Variants in EHBP1L1 observed in about 807,000 individuals in gnomAD.
EHBP1L1 encodes EH domain-binding protein 1-like protein 1.
EHBP1L1 carries 122 observed loss-of-function variants against 151.1 expected under a neutral mutation model. The observed-to-expected ratio is 0.81, with a 90% CI of 0.70 to 0.94. The LOEUF (loss-of-function observed/expected upper bound fraction) is 0.94. EHBP1L1 is among the 40% of genes least tolerant of loss of function. EHBP1L1 has a pLI of 0.00. For missense variants in EHBP1L1, 1,941 were observed against 1,959.8 expected, an observed-to-expected ratio of 0.99 and a Z score of 0.18; for synonymous variants, 878 against 810.1, an observed-to-expected ratio of 1.08 and a Z score of -1.42.
intron 16 of EHBP1L1, 99 bp from the exon 17 acceptor site, chr11:65,591,701 G>C: frequency 1.0e-6 from 1 of 961,608 alleles, no homozygotes; most frequent in Non-Finnish European, 1.6e-6. Context: ...GGGGAGGTGG[G>C]ATGGGGTCAG....
rs1857616418 is a variant in EHBP1L1 at position 65,581,641 on chromosome 11, G to A, written c.969G>A (p.Glu323=). 1 of 1,554,298 alleles carries A rather than the reference G, an allele frequency of 6.4e-7. No individual in the cohort carries two copies. Among genetic ancestry groups the A allele is most frequent in the Admixed American group, 2.0e-5 (1 of 51,158 alleles). The change falls in exon 9 of 19, where the codon GAG becomes GAA. Residue 323 remains glutamate (E), a synonymous_variant. Coordinates refer to ENST00000309295, the MANE Select transcript of EHBP1L1 (RefSeq NM_001099409.3). ...CCCCAGTCCCCCAGGGGGAAGATGA[G>A]GTCCCCAAAGCCTCAGGGGCTCCTC... The part of the protein sequence containing the change: ...LRPPVPQGED[E]VPKASGAPPA...
At chr11:65,587,353 C>T (rs1480236522) in intron 12 of EHBP1L1, among the ~76,000 whole-genome samples, 2 of 145,140 alleles carry the variant, frequency 1.4e-5, no homozygotes, top group Admixed American at 7.0e-5. Context: ...AGCCTGGCAA[C>T]AGAGCAAGAC....
chr11:65,579,398 G>A lies in EHBP1L1; in HGVS notation c.220G>A (p.Val74Ile). 3 of 1,574,724 alleles carry A rather than the reference G, an allele frequency of 1.9e-6. No individual in the cohort carries two copies. The highest frequency in any genetic ancestry group is 2.6e-6 in the Non-Finnish European group (3 of 1,159,496). Residue 74 changes from valine (V) to isoleucine (I), a missense_variant, in exon 3 of 19, where the codon GTA becomes ATA. By Grantham distance (29) the Val-to-Ile change is conservative. Transcript: ENST00000309295. The stretch of plus-strand genomic sequence containing the variant: ...ATACCGGGGCACCGTGGTGTGGATG[G>A]TACCTGAGAATGTGGACATCTCTGT... Reference protein sequence around the residue: ...NPYRGTVVWMVPENVDISVTL... With the variant: ...NPYRGTVVWMIPENVDISVTL...
At chr11:65,590,461 G>A in intron 15 of EHBP1L1, 32 bp from the exon 16 acceptor site, 2 of 1,604,770 alleles carry the variant, frequency 1.2e-6, no homozygotes, top group Admixed American at 1.7e-5. Context: ...GGGGCAGGGG[G>A]CAGGCCTGGT....
Position 65,590,309 on chromosome 11 carries a change from C to T in EHBP1L1, c.4183+99C>T, listed in dbSNP as rs147304292. The stretch of plus-strand genomic sequence containing the variant: ...CCTTGGGAGGAGCTGGGAGGAGGCA[C>T]GGCTGGCATCAGCGTTCCCATTTTA... On this transcript the variant is annotated intron_variant, in intron 15 of 18. Coordinates refer to ENST00000309295, the MANE Select transcript of EHBP1L1 (RefSeq NM_001099409.3). 1.1e-3 allele frequency: 1,711 copies of T among 1,550,856 alleles called. 14 individuals carry two copies. The African/African-American group carries it at 0.021, about 19-fold the overall frequency.
In EHBP1L1 at chr11:65,576,216, C is replaced by A; in HGVS notation, c.-87C>A. The A allele has an allele frequency of 8.4e-7, 1 of 1,191,040 alleles. No homozygotes were observed. Among genetic ancestry groups the A allele is most frequent in the Non-Finnish European group, 1.1e-6 (1 of 914,560 alleles). 73.8% of individuals were successfully genotyped at this position (1,191,040 alleles called of 1,614,324 possible). ...GCACGGACGGGGCGGGCGGCGCGGA[C>A]AGGCCATGGGGACCCGGGCCGGGCC... is the stretch of plus-strand genomic sequence containing the variant. On this transcript the variant is annotated 5_prime_UTR_variant, in exon 1 of 19. Transcript: ENST00000309295.
Position 65,580,322 on chromosome 11 carries a change from A to C in EHBP1L1, c.492-15A>C. ...ACCTCTGACTCCACCCTCACCTTTAACCTCTGCCTCCCAGGGACGATGACA... is the reference window on the plus strand; with the variant it reads ...ACCTCTGACTCCACCCTCACCTTTACCCTCTGCCTCCCAGGGACGATGACA... On this transcript the variant is annotated splice_polypyrimidine_tract_variant and intron_variant, in intron 5 of 18. Transcript: ENST00000309295. 1 of 1,613,494 alleles carries C rather than the reference A, an allele frequency of 6.2e-7. No individual in the cohort carries two copies. The highest frequency in any genetic ancestry group is 8.5e-7 in the Non-Finnish European group (1 of 1,179,754).
At position 65,582,884 on chromosome 11, in the gene EHBP1L1, GAGAT is replaced by G; in HGVS notation, c.2216_2219del (p.Ile739LysfsTer4). 2.5e-6 allele frequency: 4 copies of G among 1,613,648 alleles called. No individual in the cohort carries two copies. The highest frequency in any genetic ancestry group is 3.4e-6 in the Non-Finnish European group (4 of 1,179,832). ...AACAGCTAGGGATTCAGGGGTCAGA[GAGAT>G]AGAAGCAGAGATAGCAGAGTCTGAC... On this transcript the variant is annotated frameshift_variant, in exon 9 of 19. Transcript: ENST00000309295. LOFTEE classifies it high-confidence loss of function.
intron 12 of EHBP1L1, among the ~76,000 whole-genome samples, chr11:65,587,047 TC>T (rs940432408): frequency 1.3e-5 from 2 of 152,212 alleles, no homozygotes; most frequent in African/African-American, 4.8e-5. Flanking sequence ...GTCCTGGTCT[TC>T]CTGGAGGAGG....
chr11:65,579,696 G>A (rs946800679), intron 3 of EHBP1L1, among the ~76,000 whole-genome samples: 9 of 151,842 alleles, frequency 5.9e-5, no homozygotes, highest in East Asian at 3.9e-4. Context: ...CAACCACCGC[G>A]TGCACCTGTA....
chr11:65,577,230 G>A (rs1392967849), intron 1 of EHBP1L1, among the ~76,000 whole-genome samples: 2 of 152,006 alleles, frequency 1.3e-5, no homozygotes, highest in African/African-American at 4.8e-5. Context: ...AGCTGTGGGG[G>A]CCTCACCCGC....
Position 65,581,585 on chromosome 11 carries a change from C to T in EHBP1L1, c.913C>T (p.Arg305Trp), listed in dbSNP as rs756321484. Residue 305 changes from arginine (R) to tryptophan (W), a missense_variant, in exon 9 of 19, where the codon CGG becomes TGG. Physicochemically the swap from Arg to Trp is moderately radical, Grantham distance 101. Transcript: ENST00000309295. ...AQDTAPTPAP[R>W]LRKGSDALRP... is the part of the protein sequence containing the mutation. ...GGACACGGCCCCCACCCCAGCCCCT[C>T]GGCTCCGGAAAGGCTCTGATGCCCT... The T allele has an allele frequency of 5.9e-6, 9 of 1,515,818 alleles. No individual in the cohort carries two copies. The highest frequency in any genetic ancestry group is 2.8e-5 in the African/African-American group (2 of 71,914). The allele number at this position is 1,515,818 out of a possible 1,614,324, so 93.9% of individuals were successfully genotyped here.
Position 65,591,790 on chromosome 11 carries a change from C to CCCCCCAAAA in EHBP1L1, c.4284-10_4284-9insCCCCCAAAA. The CCCCCCAAAA allele has an allele frequency of 6.5e-7, 1 of 1,535,872 alleles. No individual in the cohort carries two copies. Among genetic ancestry groups the CCCCCCAAAA allele is most frequent in the Non-Finnish European group, 8.8e-7 (1 of 1,136,570 alleles). ...CACCCCCCCGCCACCCACCCCCCGCCACCTTCCAGCATGGAGGAGCAGGAC... is the reference window on the plus strand; with the variant it reads ...CACCCCCCCGCCACCCACCCCCCGCCCCCCCAAAAACCTTCCAGCATGGAGGAGCAGGAC... On this transcript the variant is annotated splice_polypyrimidine_tract_variant and intron_variant, in intron 16 of 18. Transcript: ENST00000309295.
intron 12 of EHBP1L1, among the ~76,000 whole-genome samples, chr11:65,586,271 T>C (rs1857963297): frequency 6.6e-6 from 1 of 152,142 alleles, no homozygotes; most frequent in Non-Finnish European, 1.5e-5. Context: ...GAAGGGGACA[T>C]GGTCCCAGAA....
Position 65,579,125 on chromosome 11 carries a change from T to G in EHBP1L1, c.152T>G (p.Ile51Ser). 1 of 1,594,616 alleles carries G rather than the reference T, an allele frequency of 6.3e-7. No homozygotes were observed. The highest frequency in any genetic ancestry group is 8.5e-7 in the Non-Finnish European group (1 of 1,170,780). ...GTATGGACCCGTCGGAACCGACGCATCTGCTCCAAGGTGGGGAAGGATGGC... is the reference window on the plus strand; with the variant it reads ...GTATGGACCCGTCGGAACCGACGCAGCTGCTCCAAGGTGGGGAAGGATGGC... ...VVVWTRRNRRICSKAHSWQPG... is the reference protein window; with the variant it reads ...VVVWTRRNRRSCSKAHSWQPG... Residue 51 changes from isoleucine (I) to serine (S), a missense_variant, in exon 2 of 19, where the codon ATC becomes AGC. Transcript: ENST00000309295.
In EHBP1L1 at chr11:65,576,121, C is replaced by G. The variant is rs1857311618; in HGVS notation, c.-182C>G. 1 of 402,388 alleles carries G rather than the reference C, an allele frequency of 2.5e-6. No individual in the cohort carries two copies. Among genetic ancestry groups the G allele is most frequent in the Non-Finnish European group, 4.2e-6 (1 of 239,692 alleles). The allele number at this position is 402,388 out of a possible 1,614,324, so 24.9% of individuals were successfully genotyped here. On this transcript the variant is annotated 5_prime_UTR_variant, in exon 1 of 19. Coordinates refer to ENST00000309295, the MANE Select transcript of EHBP1L1 (RefSeq NM_001099409.3). ...CCCCAGGCGACCCCGCAGACTCAGC[C>G]AGACCACCCTGCGGGCCCCAGCGGC...
chr11:65,582,737 A>C lies in EHBP1L1; in HGVS notation c.2065A>C (p.Lys689Gln). Residue 689 changes from lysine to glutamine, a missense_variant, in exon 9 of 19, where the codon AAG becomes CAG. Lys to Gln is a moderately conservative substitution (Grantham distance 53, BLOSUM62 1). Transcript: ENST00000309295. ...GATATCTGGGGATTTAGGGCCACTG[A>C]AGATAGAAGATACAATACAGTCTGA... is the stretch of plus-strand genomic sequence containing the variant. ...QEISGDLGPL[K>Q]IEDTIQSEML... The C allele has an allele frequency of 6.2e-7, 1 of 1,613,636 alleles. No homozygotes were observed. Among genetic ancestry groups the C allele is most frequent in the African/African-American group, 1.3e-5 (1 of 75,020 alleles).
Position 65,585,014 on chromosome 11 carries a change from T to TG in EHBP1L1, c.3358dup (p.Val1120GlyfsTer198). On this transcript the variant is annotated frameshift_variant, in exon 12 of 19. Coordinates refer to ENST00000309295, the MANE Select transcript of EHBP1L1 (RefSeq NM_001099409.3). LOFTEE classifies it high-confidence loss of function. The surrounding 1 kb of genome is among the most constrained non-coding windows in gnomAD (Gnocchi z 4.0). ...TCGCGGCTGCTGGAGCCCGCGGACATGGTGCTACTGTCGGTGCCCGACAAG... is the reference window on the plus strand; with the variant it reads ...TCGCGGCTGCTGGAGCCCGCGGACATGGGTGCTACTGTCGGTGCCCGACAAG... 2 of 1,535,746 alleles carry TG rather than the reference T, an allele frequency of 1.3e-6. No homozygotes were observed. The highest frequency in any genetic ancestry group is 1.7e-6 in the Non-Finnish European group (2 of 1,147,040).
chr11:65,576,601 G>A (rs1256161199), intron 1 of EHBP1L1, among the ~76,000 whole-genome samples, 195 bp downstream of exon 1: 2 of 152,330 alleles, frequency 1.3e-5, no homozygotes, highest in African/African-American at 2.4e-5. Context: ...AGTTGGGGGC[G>A]TGGGCAGCCT....
Sources: allele counts gnomAD v4.1 joint callset (sites outside exome capture counted in the v4.1 genomes callset), GRCh38; gene constraint gnomAD v4.1.1; non-coding constraint Gnocchi (gnomAD v3.1); transcripts MANE v1.5; gene names NCBI Gene and HGNC (gene_info 2026-07-23, HGNC 2026-07-21).